CRPPA: variants seen among roughly 807,000 people sequenced by gnomAD.
CRPPA encodes D-ribitol-5-phosphate cytidylyltransferase.
In CRPPA, 43 loss-of-function variants were observed where a neutral mutation model predicts 52.0. The ratio of observed to expected loss-of-function variants is 0.83; its 90% confidence interval spans 0.65 to 1.07. The LOEUF (loss-of-function observed/expected upper bound fraction) is 1.07. Among genes scored for constraint, CRPPA ranks in the 50% least tolerant of loss-of-function variants. The pLI is 0.00. For synonymous variants in CRPPA, 250 were observed against 203.5 expected (o/e 1.23, Z -1.94); for missense variants, 629 against 551.7 (o/e 1.14, Z -1.40).
chr7:16,330,936 C>T (rs1439632245), intron 3 of CRPPA, among the ~76,000 whole-genome samples: 2 of 152,280 alleles, frequency 1.3e-5, no homozygotes, highest in African/African-American at 2.4e-5. Context: ...AACTCCAGCA[C>T]ACTCTAGCTA....
At chr7:16,218,094 C>T (rs1157989838) in intron 8 of CRPPA, among the ~76,000 whole-genome samples, 1 of 152,142 alleles carries the variant, frequency 6.6e-6, no homozygotes, top group African/African-American at 2.4e-5. Context: ...GCAGATCTCT[C>T]CGCAGAAACC....
At chr7:16,195,230 C>G (rs1781705390) in intron 9 of CRPPA, among the ~76,000 whole-genome samples, 3 of 152,026 alleles carry the variant, frequency 2.0e-5, no homozygotes, top group Admixed American at 2.0e-4. Flanking sequence ...GGAATGTATC[C>G]CACCAAGCCA....
chr7:16,104,992 C>T (rs1782122860), intron 9 of CRPPA, among the ~76,000 whole-genome samples: 1 of 151,796 alleles, frequency 6.6e-6, no homozygotes, highest in Admixed American at 6.6e-5. Context: ...AGAAGACAGA[C>T]TTGAAATGTC....
At position 16,090,834 on chromosome 7, in the gene CRPPA, G is replaced by A. The variant is rs997383342; in HGVS notation, c.*861C>T. On this transcript the variant is annotated 3_prime_UTR_variant, in exon 10 of 10. Transcript: ENST00000407010. ...TGCAAGGGAAAATATTAATATTTCA[G>A]ATGTATATACCAATGAAAACTGGAA... is the stretch of plus-strand genomic sequence containing the variant. 1 of 152,158 alleles carries A rather than the reference G, an allele frequency of 6.6e-6. No homozygotes were observed. The highest frequency in any genetic ancestry group is 2.4e-5 in the African/African-American group (1 of 41,438). 9.4% of individuals were successfully genotyped at this position (152,158 alleles called of 1,614,324 possible). A position where few individuals can be genotyped will look rare whatever the true frequency, so the allele number is the denominator to read the frequency against.
intron 3 of CRPPA, among the ~76,000 whole-genome samples, chr7:16,327,352 G>C (rs534557591): frequency 3.9e-5 from 6 of 152,028 alleles, no homozygotes; most frequent in African/African-American, 1.4e-4. Flanking sequence ...CAGCACTTTG[G>C]GAGGCCGAGG....
chr7:16,150,479 CA>C (rs1212538059), intron 9 of CRPPA, among the ~76,000 whole-genome samples: 5 of 152,122 alleles, frequency 3.3e-5, no homozygotes, highest in Non-Finnish European at 4.4e-5. Flanking sequence ...AAACCCATGA[CA>C]CTTTGAAAAT....
At chr7:16,150,996 G>A (rs962933623) in intron 9 of CRPPA, among the ~76,000 whole-genome samples, 19 of 152,200 alleles carry the variant, frequency 1.2e-4, no homozygotes, top group Non-Finnish European at 4.4e-5. Flanking sequence ...CTGTTGCATT[G>A]AAGATTAAGT....
rs749511936 is a variant in CRPPA at position 16,127,307 on chromosome 7, G to A, written c.1252-35508C>T. Among the ~76,000 whole-genome samples, 74 of 152,172 alleles carry A rather than the reference G, an allele frequency of 4.9e-4. No homozygotes were observed. The Middle Eastern group carries it at 0.01, about 21-fold the overall frequency. ...TAGAGAAAGAAAAATGATGACTGGT[G>A]TCACTATTGAATGTATCCTTGTACT... On this transcript the variant is annotated intron_variant, in intron 9 of 9. Coordinates refer to ENST00000407010, the MANE Select transcript of CRPPA (RefSeq NM_001101426.4).
intron 9 of CRPPA, among the ~76,000 whole-genome samples, chr7:16,210,053 T>C (rs1782088475): frequency 6.6e-6 from 1 of 152,222 alleles, no homozygotes; most frequent in African/African-American, 2.4e-5. Context: ...AAAACAATTT[T>C]ACAGATAATG....
Position 16,289,343 on chromosome 7 carries a change from T to C in CRPPA, c.836-11117A>G, listed in dbSNP as rs545286238. Among the ~76,000 whole-genome samples, 10 of 152,248 alleles carry C rather than the reference T, an allele frequency of 6.6e-5. 1 individual carries two copies. The highest frequency in any genetic ancestry group is 2.2e-4 in the African/African-American group (9 of 41,560). ...AAATTGAAGAGAAGGAAATTCTTCC[T>C]AACTCATTATTTGAGGCAAGCATCA... On this transcript the variant is annotated intron_variant, in intron 5 of 9. Transcript: ENST00000407010.
intron 9 of CRPPA, among the ~76,000 whole-genome samples, chr7:16,152,325 A>T (rs1458881174): frequency 6.6e-6 from 1 of 151,994 alleles, no homozygotes; most frequent in African/African-American, 2.4e-5. Context: ...ATATGAATTT[A>T]TAAGTTACAT....
chr7:16,101,942 A>C (rs935110240), intron 9 of CRPPA, among the ~76,000 whole-genome samples: 1 of 152,170 alleles, frequency 6.6e-6, no homozygotes, highest in African/African-American at 2.4e-5. Flanking sequence ...TTTTCACAGA[A>C]TTAGAAAAAA....
rs140863833 is a variant in CRPPA at position 16,359,464 on chromosome 7, T to C, written c.684+16628A>G. Among the ~76,000 whole-genome samples the C allele has an allele frequency of 1.8e-3, 276 of 152,360 alleles. 2 individuals carry two copies. Among genetic ancestry groups the C allele is most frequent in the South Asian group, 4.3e-3 (21 of 4,830 alleles). On this transcript the variant is annotated intron_variant, in intron 3 of 9. Coordinates refer to ENST00000407010, the MANE Select transcript of CRPPA (RefSeq NM_001101426.4). ...GGATACTGGTGTGCATAGCTCTTGC[T>C]ATATACATGTAGCCAGCAGTTTTAA...
intron 9 of CRPPA, among the ~76,000 whole-genome samples, chr7:16,197,243 T>C (rs971199291): frequency 1.3e-5 from 2 of 152,220 alleles, no homozygotes; most frequent in African/African-American, 4.8e-5. Flanking sequence ...TGTACAAGTA[T>C]ATGTGATTTA....
At chr7:16,181,138 A>G (rs10238168) in intron 9 of CRPPA, among the ~76,000 whole-genome samples, 4,066 of 152,034 alleles carry the variant, frequency 0.027, 189 homozygotes, top group African/African-American at 0.094. Flanking sequence ...TAAAATTCTA[A>G]TTTTAATTCT....
chr7:16,135,205 T>C (rs1479240551), intron 9 of CRPPA, among the ~76,000 whole-genome samples: 7 of 152,212 alleles, frequency 4.6e-5, no homozygotes, highest in Admixed American at 4.6e-4. Flanking sequence ...CAAAGGTTTT[T>C]AAAACAGGAT....
chr7:16,325,169 C>T (rs1785353646), intron 3 of CRPPA, among the ~76,000 whole-genome samples: 2 of 152,176 alleles, frequency 1.3e-5, no homozygotes, highest in Admixed American at 1.3e-4. Flanking sequence ...AATCATGTTC[C>T]ATCTGCAAGA....
intron 4 of CRPPA, among the ~76,000 whole-genome samples, chr7:16,307,594 T>C (rs551166879): frequency 2.7e-5 from 4 of 147,924 alleles, no homozygotes; most frequent in African/African-American, 1.0e-4. Flanking sequence ...ACAGGAGAAT[T>C]GCTTGAAATT....
intron 3 of CRPPA, among the ~76,000 whole-genome samples, chr7:16,346,833 C>T (rs1476885725): frequency 6.6e-6 from 1 of 151,936 alleles, no homozygotes; most frequent in Non-Finnish European, 1.5e-5. Context: ...ACTATAAAAA[C>T]CTCACCAACG....
Sources: gnomAD v4.1 joint callset for allele counts (sites outside exome capture counted in the v4.1 genomes callset) on GRCh38, gnomAD v4.1.1 for gene constraint, MANE v1.5 for transcripts, NCBI Gene and HGNC (gene_info 2026-07-23, HGNC 2026-07-21) for gene names.